ZZZ3: variants seen among roughly 807,000 people sequenced by gnomAD.
The protein encoded by ZZZ3 is zinc finger ZZ-type containing 3, also known as ZZ-type zinc finger-containing protein 3.
In ZZZ3, 22 loss-of-function variants were observed where a neutral mutation model predicts 95.2. The ratio of observed to expected loss-of-function variants is 0.23; its 90% confidence interval spans 0.17 to 0.33. ZZZ3 has a LOEUF of 0.33. Ranked by LOEUF, ZZZ3 falls within the 10% of genes least tolerant of loss-of-function variation. ZZZ3 has a pLI of 1.00. For missense variants in ZZZ3, 885 were observed against 1,066.5 expected, an observed-to-expected ratio of 0.83 and a Z score of 2.37; for synonymous variants, 335 against 358.9, an observed-to-expected ratio of 0.93 and a Z score of 0.75.
At chr1:77,660,936 C>T (rs1484337003) in intron 1 of ZZZ3, among the ~76,000 whole-genome samples, 1 of 151,800 alleles carries the variant, frequency 6.6e-6, no homozygotes, top group African/African-American at 2.4e-5. Context: ...AACACAAACA[C>T]GTATTTTTCA....
chr1:77,607,265 C>G (rs1557720313), intron 5 of ZZZ3, among the ~76,000 whole-genome samples: 1 of 152,154 alleles, frequency 6.6e-6, no homozygotes, highest in African/African-American at 2.4e-5. Context: ...ATAAAACCAT[C>G]AGATCTTGGG....
At chr1:77,666,311 T>C (rs2101035748) in intron 1 of ZZZ3, among the ~76,000 whole-genome samples, 2 of 152,280 alleles carry the variant, frequency 1.3e-5, no homozygotes, top group South Asian at 4.1e-4. Flanking sequence ...GACAGATCAC[T>C]TGAGGTCAGG....
rs1457388439 is a variant in ZZZ3, at chr1:77,632,087, A to T, written c.1268T>A (p.Val423Glu). The change falls in exon 5 of 15, where the codon GTA becomes GAA. Residue 423 changes from valine to glutamate, a missense_variant. Val to Glu is a moderately radical substitution (Grantham distance 121). This residue lies in a region of ZZZ3 where 556 missense variants were observed against 652.9 expected (regional missense o/e 0.85). Coordinates refer to ENST00000370801, the MANE Select transcript of ZZZ3 (RefSeq NM_015534.6). The stretch of plus-strand genomic sequence containing the variant: ...ACCAGGATTTGTAGGAGATTGACTT[A>T]CATTATCACTAACAGTTGCATTTGT... ...NETNATVSDN[V>E]SQSPTNPGEI... 1 of 1,614,102 alleles carries T rather than the reference A, an allele frequency of 6.2e-7. No individual in the cohort carries two copies. Among genetic ancestry groups the T allele is most frequent in the Non-Finnish European group, 8.5e-7 (1 of 1,179,974 alleles).
chr1:77,665,990 G>A (rs990108065), intron 1 of ZZZ3, among the ~76,000 whole-genome samples: 11 of 152,310 alleles, frequency 7.2e-5, no homozygotes, highest in South Asian at 6.2e-4. Context: ...GCCGTGAGCC[G>A]AGATTGCGCC....
chr1:77,576,420 G>A (rs1160117717), intron 11 of ZZZ3, among the ~76,000 whole-genome samples, 200 bp from the exon 12 acceptor site: 2 of 151,660 alleles, frequency 1.3e-5, no homozygotes, highest in Admixed American at 6.6e-5. Flanking sequence ...TTTAAATGTA[G>A]GGGAAATACC....
At chr1:77,662,768 A>G (rs369818826) in intron 1 of ZZZ3, among the ~76,000 whole-genome samples, 1 of 152,100 alleles carries the variant, frequency 6.6e-6, no homozygotes, top group South Asian at 2.1e-4. Flanking sequence ...TCCAGCCTGG[A>G]TGACAAAGTG....
intron 1 of ZZZ3, among the ~76,000 whole-genome samples, chr1:77,674,425 A>G (rs1672070622): frequency 1.3e-5 from 2 of 152,198 alleles, no homozygotes; most frequent in African/African-American, 4.8e-5. Flanking sequence ...CTAGACATCA[A>G]AAGAGTGATT....
intron 5 of ZZZ3, among the ~76,000 whole-genome samples, chr1:77,623,926 C>T (rs897747103): frequency 6.6e-6 from 1 of 151,112 alleles, no homozygotes; most frequent in African/African-American, 2.4e-5. Flanking sequence ...AAAAGTAAGA[C>T]CAAAAAAAAA....
rs149491711 is a variant in ZZZ3, at chr1:77,615,734, A to C, written c.1505+16116T>G. ...TGAGGATATTCTGCAAACTGTTCCA[A>C]AAGTTGAGTTCCAAATATATTTTGA... On this transcript the variant is annotated intron_variant, in intron 5 of 14. Transcript: ENST00000370801. Among the ~76,000 whole-genome samples, 493 of 152,346 alleles carry C rather than the reference A, an allele frequency of 3.2e-3. 12 individuals are homozygous for C. Among genetic ancestry groups the C allele is most frequent in the Non-Finnish European group, 8.4e-4 (57 of 68,030 alleles).
chr1:77,630,039 G>A (rs910901266), intron 5 of ZZZ3, among the ~76,000 whole-genome samples: 2 of 152,088 alleles, frequency 1.3e-5, no homozygotes, highest in African/African-American at 4.8e-5. Flanking sequence ...AATCAATAAC[G>A]AGTCAAGACT....
intron 5 of ZZZ3, among the ~76,000 whole-genome samples, chr1:77,601,573 T>G (rs1170509921): frequency 6.6e-6 from 1 of 152,038 alleles, no homozygotes; most frequent in East Asian, 1.9e-4. Context: ...GAAAAATCAG[T>G]GAAGAGTAAG....
rs1435885539 is a variant in ZZZ3, at chr1:77,563,012, A to G, written c.*2628T>C. ...ACAGGATAATAAATGACCCTGCCTCATAGAGTTGTTAAGAATTAGTTATCA... is the reference window on the plus strand; with the variant it reads ...ACAGGATAATAAATGACCCTGCCTCGTAGAGTTGTTAAGAATTAGTTATCA... On this transcript the variant is annotated 3_prime_UTR_variant, in exon 15 of 15. Transcript: ENST00000370801. 1.3e-5 allele frequency: 2 copies of G among 152,240 alleles called. No individual in the cohort carries two copies. The highest frequency in any genetic ancestry group is 2.1e-4 in the South Asian group (1 of 4,830). The allele number at this position is 152,240 out of a possible 1,614,324, so 9.4% of individuals were successfully genotyped here.
rs867271939 is a variant in ZZZ3, at chr1:77,572,544, T to C, written c.2331+3524A>G. On this transcript the variant is annotated intron_variant, in intron 12 of 14. Transcript: ENST00000370801. ...TAGTAGAGACGGGGTTTCACCATAT[T>C]GGCCAGGCTGGTCTCCAACACCTGA... Among the ~76,000 whole-genome samples, 30 of 152,258 alleles carry C rather than the reference T, an allele frequency of 2.0e-4. No homozygotes were observed. In the Middle Eastern group the frequency reaches 0.01, roughly 52 times the overall value.
intron 1 of ZZZ3, among the ~76,000 whole-genome samples, chr1:77,681,309 A>G (rs1307291152): frequency 1.3e-5 from 2 of 150,906 alleles, no homozygotes; most frequent in African/African-American, 2.4e-5. Context: ...TATGTATAGG[A>G]AAAAAAAACA....
At position 77,631,835 on chromosome 1, in the gene ZZZ3, C is replaced by T. The variant is rs773404541; in HGVS notation, c.1505+15G>A. 2 of 1,521,548 alleles carry T rather than the reference C, an allele frequency of 1.3e-6. No homozygotes were observed. The highest frequency in any genetic ancestry group is 1.8e-6 in the Non-Finnish European group (2 of 1,130,308). The allele number at this position is 1,521,548 out of a possible 1,614,324, so 94.3% of individuals were successfully genotyped here. ...TAAACAAAGCAGAATTCATGGTTAC[C>T]ATATTTACACATACTCTTTGTTGTG... On this transcript the variant is annotated intron_variant, in intron 5 of 14. Transcript: ENST00000370801.
chr1:77,621,896 C>G (rs546097948), intron 5 of ZZZ3, among the ~76,000 whole-genome samples: 1 of 152,178 alleles, frequency 6.6e-6, no homozygotes, highest in African/African-American at 2.4e-5. Context: ...TGACATCTTA[C>G]ACTTTTTCAA....
At chr1:77,594,623 G>A (rs913117924) in intron 5 of ZZZ3, among the ~76,000 whole-genome samples, 2 of 151,928 alleles carry the variant, frequency 1.3e-5, no homozygotes, top group Non-Finnish European at 2.9e-5. Context: ...TTAATATTCT[G>A]TTTATGACAT....
chr1:77,650,852 A>G (rs114654669), intron 1 of ZZZ3, among the ~76,000 whole-genome samples: 1 of 152,222 alleles, frequency 6.6e-6, no homozygotes, highest in Non-Finnish European at 1.5e-5. Context: ...AATTATCAAT[A>G]TTAAAGAAAA....
intron 11 of ZZZ3, 150 bp downstream of exon 11, chr1:77,578,624 C>T (rs903152118): frequency 2.5e-6 from 1 of 404,138 alleles, no homozygotes; most frequent in South Asian, 1.1e-4. Context: ...GGAGTCCTTA[C>T]CCTCCACTTT....
Sources: gnomAD v4.1 joint callset for allele counts (sites outside exome capture counted in the v4.1 genomes callset) on GRCh38, gnomAD v4.1.1 for gene constraint, gnomAD v4.1.1 regional missense constraint, MANE v1.5 for transcripts, NCBI Gene and HGNC (gene_info 2026-07-23, HGNC 2026-07-21) for gene names.